Variants in FAM184B observed in about 807,000 individuals in gnomAD.
FAM184B encodes the protein protein FAM184B.
A neutral mutation model predicts 135.9 loss-of-function variants in FAM184B; 111 were observed. The observed-to-expected ratio is 0.82, with a 90% confidence interval of 0.70 to 0.96. The LOEUF (loss-of-function observed/expected upper bound fraction) is 0.96, where lower values mean the gene tolerates loss of function less well. Ranked by LOEUF, FAM184B falls within the 40% of genes least tolerant of loss-of-function variation. The probability of loss-of-function intolerance (pLI) is 0.00; values close to 1 mark genes in which losing one functional copy is unlikely to be tolerated. For synonymous variants in FAM184B, 552 were observed against 524.8 expected (o/e 1.05, Z -0.71); for missense variants, 1,375 against 1,323.9 (o/e 1.04, Z -0.60).
intron 7 of FAM184B, among the ~76,000 whole-genome samples, chr4:17,680,891 A>G (rs1159108050): frequency 6.6e-6 from 1 of 152,214 alleles, no homozygotes; most frequent in Non-Finnish European, 1.5e-5. Flanking sequence ...ATCTCCTAGA[A>G]GGGAATATTC....
chr4:17,772,767 G>T (rs1718846492), intron 1 of FAM184B, among the ~76,000 whole-genome samples: 3 of 152,180 alleles, frequency 2.0e-5, no homozygotes, highest in African/African-American at 7.2e-5. Flanking sequence ...ATATCCACTG[G>T]CAAGCTGAAT....
In FAM184B at chr4:17,632,137, C is replaced by G. The variant is rs910555346; in HGVS notation, c.*395G>C. 3 of 141,894 alleles carry G rather than the reference C, an allele frequency of 2.1e-5. No homozygotes were observed. The highest frequency in any genetic ancestry group is 3.0e-5 in the Non-Finnish European group (2 of 66,504). The allele number at this position is 141,894 out of a possible 1,614,324, so 8.8% of individuals were successfully genotyped here. ...CCAGGCTGGTTGGAATGCAGGAGTT[C>G]GAACTTGGCTCACTGCAACCTCTGC... On this transcript the variant is annotated 3_prime_UTR_variant, in exon 18 of 18. Transcript: ENST00000265018.
intron 1 of FAM184B, among the ~76,000 whole-genome samples, chr4:17,746,058 A>T (rs1222332920): frequency 6.6e-6 from 1 of 152,078 alleles, no homozygotes; most frequent in Non-Finnish European, 1.5e-5. Flanking sequence ...TTCAGGGTTC[A>T]AGTGATTCTC....
intron 16 of FAM184B, 192 bp from the exon 17 acceptor site, chr4:17,634,080 G>A (rs116230084): frequency 0.014 from 6,216 of 447,898 alleles, 53 homozygotes; most frequent in Non-Finnish European, 0.017. Flanking sequence ...AAATAAATAT[G>A]TATGTTCACA....
At chr4:17,754,765 T>A (rs1225437942) in intron 1 of FAM184B, among the ~76,000 whole-genome samples, 1 of 152,100 alleles carries the variant, frequency 6.6e-6, no homozygotes, top group Non-Finnish European at 1.5e-5. Flanking sequence ...ATTCTGAGAC[T>A]TTCCCACATA....
rs950800826 is a variant in FAM184B at position 17,632,515 on chromosome 4, G to A, written c.*17C>T. The A allele has an allele frequency of 8.5e-6, 13 of 1,521,556 alleles. No individual in the cohort carries two copies. The highest frequency in any genetic ancestry group is 1.2e-5 in the Non-Finnish European group (13 of 1,121,422). The allele number at this position is 1,521,556 out of a possible 1,614,324, so 94.3% of individuals were successfully genotyped here. On this transcript the variant is annotated 3_prime_UTR_variant, in exon 18 of 18. Coordinates refer to ENST00000265018, the MANE Select transcript of FAM184B (RefSeq NM_015688.2). The stretch of plus-strand genomic sequence containing the variant: ...ATGTTTTTCAAGTATCCTCTGTGAT[G>A]TATCCCAAAGGTTAGCTTAGAAAGA...
chr4:17,725,523 G>T (rs1717620348), intron 1 of FAM184B, among the ~76,000 whole-genome samples: 1 of 152,138 alleles, frequency 6.6e-6, no homozygotes, highest in Admixed American at 6.5e-5. Flanking sequence ...CTTTCATTCA[G>T]TTCAAATCTG....
intron 1 of FAM184B, among the ~76,000 whole-genome samples, chr4:17,725,408 T>C (rs1426590793): frequency 6.6e-6 from 1 of 152,222 alleles, no homozygotes; most frequent in Non-Finnish European, 1.5e-5. Context: ...TAAGAAATGC[T>C]ATTTTTCTCA....
chr4:17,696,746 G>A (rs867718414), intron 5 of FAM184B, among the ~76,000 whole-genome samples: 2 of 152,044 alleles, frequency 1.3e-5, no homozygotes, highest in Admixed American at 1.3e-4. Context: ...CCAGGAGTTC[G>A]AGGCTGCAGT....
At chr4:17,712,614 G>A (rs1717305301) in intron 1 of FAM184B, among the ~76,000 whole-genome samples, 1 of 152,142 alleles carries the variant, frequency 6.6e-6, no homozygotes, top group Non-Finnish European at 1.5e-5. Context: ...TGCACTCCTT[G>A]TAGTCTTGAG....
intron 1 of FAM184B, among the ~76,000 whole-genome samples, chr4:17,761,021 G>A (rs1343481670): frequency 6.6e-6 from 1 of 152,212 alleles, no homozygotes; most frequent in Non-Finnish European, 1.5e-5. Context: ...CAATGTCGGA[G>A]ACATTTTTAG....
rs5856440 is a variant in FAM184B at position 17,648,519 on chromosome 4, A to ATT, written c.2192-730_2192-729dup. 2.8e-3 allele frequency among the ~76,000 whole-genome samples: 402 copies of ATT among 144,448 alleles called. 3 individuals are homozygous for ATT. The highest frequency in any genetic ancestry group is 1.0e-2 in the African/African-American group (388 of 38,900). 94.8% of individuals were successfully genotyped at this position (144,448 alleles called of 152,430 possible). A position where few individuals can be genotyped will look rare whatever the true frequency, so the allele number is the denominator to read the frequency against. On this transcript the variant is annotated intron_variant, in intron 11 of 17. Coordinates refer to ENST00000265018, the MANE Select transcript of FAM184B (RefSeq NM_015688.2). ...ACCACCACACCTGGCTAATTTTTGT[A>ATT]TTTTTTTTTTTTTTAGTAGAGATGG...
At chr4:17,742,095 G>A (rs1718054517) in intron 1 of FAM184B, among the ~76,000 whole-genome samples, 1 of 149,602 alleles carries the variant, frequency 6.7e-6, no homozygotes, top group African/African-American at 2.5e-5. Context: ...CTCATGTTAA[G>A]TGTTCTCACT....
At chr4:17,733,928 C>A (rs534592966) in intron 1 of FAM184B, among the ~76,000 whole-genome samples, 205 of 152,280 alleles carry the variant, frequency 1.3e-3, no homozygotes, top group African/African-American at 4.6e-3. Flanking sequence ...ACTTACCAAA[C>A]TATACTACAA....
chr4:17,736,906 A>C (rs1717922020), intron 1 of FAM184B, among the ~76,000 whole-genome samples: 1 of 152,206 alleles, frequency 6.6e-6, no homozygotes, highest in Non-Finnish European at 1.5e-5. Flanking sequence ...GCATTTTGGG[A>C]GGCCGAGGTG....
intron 6 of FAM184B, among the ~76,000 whole-genome samples, chr4:17,690,018 C>T (rs1391838361): frequency 1.3e-5 from 2 of 151,956 alleles, no homozygotes; most frequent in Non-Finnish European, 2.9e-5. Context: ...CCTGTTGGTG[C>T]GTGCCTGTAA....
rs765417435 is a variant in FAM184B, at chr4:17,633,867, G to A, written c.2911C>T (p.Pro971Ser). 1.2e-5 allele frequency: 19 copies of A among 1,550,026 alleles called. No individual in the cohort carries two copies. In the South Asian group the frequency reaches 2.3e-4, roughly 18 times the overall value. ...SMKKKKVEDV[P>S]SRVVSVPNLA... is the part of the protein sequence containing the mutation. ...TTCGGCACGCTGACCACGCGGCTGG[G>A]CACGTCCTCCACCTTCTTTTTCTGT... Residue 971 changes from proline (P) to serine (S), a missense_variant, in exon 17 of 18, where the codon CCC (proline) becomes TCC (serine). Physicochemically the swap from Pro to Ser is moderately conservative, Grantham distance 74 (BLOSUM62 -1). Coordinates refer to ENST00000265018, the MANE Select transcript of FAM184B (RefSeq NM_015688.2).
intron 13 of FAM184B, among the ~76,000 whole-genome samples, chr4:17,640,316 CAAAAAA>C (rs376386841): frequency 2.2e-5 from 3 of 133,904 alleles, no homozygotes; most frequent in Non-Finnish European, 3.3e-5. Context: ...ACTAAAAATA[CAAAAAA>C]AAAAAAAAAA....
intron 1 of FAM184B, among the ~76,000 whole-genome samples, chr4:17,754,478 G>C (rs1718376274): frequency 6.6e-6 from 1 of 151,644 alleles, no homozygotes; most frequent in Admixed American, 6.6e-5. Context: ...TTGAACCCGG[G>C]AGGCGGAGGT....
Sources: gnomAD v4.1 joint callset for allele counts (sites outside exome capture counted in the v4.1 genomes callset) on GRCh38, gnomAD v4.1.1 for gene constraint, MANE v1.5 for transcripts, NCBI Gene and HGNC (gene_info 2026-07-23, HGNC 2026-07-21) for gene names.